MAPK6: variants seen among roughly 807,000 people sequenced by gnomAD.
MAPK6 encodes ERK-3.
MAPK6 carries 19 observed loss-of-function variants against 59.3 expected under a neutral mutation model. The ratio of observed to expected loss-of-function variants is 0.32; its 90% CI spans 0.22 to 0.47. The LOEUF (loss-of-function observed/expected upper bound fraction) is 0.47. Ranked by LOEUF, MAPK6 falls within the 20% of genes least tolerant of loss-of-function variation. MAPK6 has a pLI of 1.00. For synonymous variants in MAPK6, 316 were observed against 290.3 expected (o/e 1.09, Z -0.90); for missense variants, 724 against 847.9 (o/e 0.85, Z 1.81).
intron 2 of MAPK6, among the ~76,000 whole-genome samples, chr15:52,047,231 T>C (rs1339425547): frequency 6.6e-6 from 1 of 152,188 alleles, no homozygotes; most frequent in Admixed American, 6.5e-5. Context: ...TATAATGAAA[T>C]TTTAAAGTGT....
In MAPK6 at chr15:51,991,144, T is replaced by C. The variant is rs373500048; in HGVS notation, c.-770+7829T>C. 5.8e-5 allele frequency among the ~76,000 whole-genome samples: 6 copies of C among 104,276 alleles called. No individual in the cohort carries two copies. In the East Asian group the frequency reaches 1.5e-3, roughly 26 times the overall value. The allele number at this position is 104,276 out of a possible 152,430, so 68.4% of individuals were successfully genotyped here. ...ATTCCATCTCAAAAAGAAATATATA[T>C]ATATACACACACACACACACACACA... On this transcript the variant is annotated intron_variant, in intron 2 of 7. Transcript: ENST00000691380.
upstream of MAPK6, among the ~76,000 whole-genome samples, chr15:52,015,740 G>C (rs1265455167): frequency 6.7e-6 from 1 of 149,198 alleles, no homozygotes; most frequent in Non-Finnish European, 1.5e-5. Flanking sequence ...GCGTGAGTCC[G>C]CGCCCAGCCC....
chr15:52,054,667 CT>C (rs201385524), intron 3 of MAPK6, among the ~76,000 whole-genome samples: 6 of 149,534 alleles, frequency 4.0e-5, no homozygotes, highest in Non-Finnish European at 8.9e-5. Context: ...ATTTTTGGAC[CT>C]TTTTTTTTCA....
chr15:52,061,948 A>G (rs1437058949), intron 5 of MAPK6, among the ~76,000 whole-genome samples: 1 of 152,150 alleles, frequency 6.6e-6, no homozygotes, highest in Non-Finnish European at 1.5e-5. Flanking sequence ...GATTTTATGA[A>G]TGTCAAAAAT....
chr15:52,047,419 C>A (rs1402863876), intron 2 of MAPK6, among the ~76,000 whole-genome samples: 1 of 152,108 alleles, frequency 6.6e-6, no homozygotes. Flanking sequence ...CATCTCGGCT[C>A]ACTGCAACCT....
At chr15:52,063,732 CAG>C (rs2032298928) in intron 5 of MAPK6, among the ~76,000 whole-genome samples, 168 bp from the exon 6 acceptor site, 1 of 152,184 alleles carries the variant, frequency 6.6e-6, no homozygotes, top group South Asian at 2.1e-4. Context: ...AATATATTAA[CAG>C]AGCTTTCCTA....
At chr15:52,003,814 G>C (rs2057249770) in intron 2 of MAPK6, among the ~76,000 whole-genome samples, 1 of 152,348 alleles carries the variant, frequency 6.6e-6, no homozygotes, top group Non-Finnish European at 1.5e-5. Flanking sequence ...TCATTTGAAT[G>C]AGTAAAATAG....
intron 2 of MAPK6, among the ~76,000 whole-genome samples, chr15:51,983,881 G>T (rs1329020550): frequency 6.6e-6 from 1 of 151,756 alleles, no homozygotes; most frequent in Non-Finnish European, 1.5e-5. Context: ...ACTGTAAATG[G>T]CTATACTCTT....
chr15:52,027,246 A>G (rs2030827786), intron 1 of MAPK6, among the ~76,000 whole-genome samples: 1 of 149,602 alleles, frequency 6.7e-6, no homozygotes, highest in Non-Finnish European at 1.5e-5. Flanking sequence ...GCTACTCGGG[A>G]GGCTGAGACA....
At chr15:52,033,099 G>T (rs1199912008) in intron 1 of MAPK6, among the ~76,000 whole-genome samples, 1 of 152,174 alleles carries the variant, frequency 6.6e-6, no homozygotes, top group South Asian at 2.1e-4. Flanking sequence ...CATAAGCCAC[G>T]GCACCTGGCA....
In MAPK6 at chr15:52,031,837, T is replaced by C. The variant is rs139386911; in HGVS notation, c.-632+12461T>C. Among the ~76,000 whole-genome samples the C allele has an allele frequency of 3.7e-3, 569 of 152,186 alleles. 4 individuals carry two copies. Among genetic ancestry groups the C allele is most frequent in the Non-Finnish European group, 6.5e-3 (442 of 68,002 alleles). Reference sequence around the variant, plus strand: ...AAGCGAGATCCTGTCTCAAGATAAATAAAATAAAAATTTCACCATTTTATT... The same window carrying C: ...AAGCGAGATCCTGTCTCAAGATAAACAAAATAAAAATTTCACCATTTTATT... On this transcript the variant is annotated intron_variant, in intron 1 of 5. Coordinates refer to ENST00000261845, the MANE Select transcript of MAPK6 (RefSeq NM_002748.4).
chr15:51,977,043 G>A (rs59808035), intron 1 of MAPK6, among the ~76,000 whole-genome samples: 85 of 151,238 alleles, frequency 5.6e-4, no homozygotes, highest in African/African-American at 2.0e-3. Context: ...TCTCTCTGTT[G>A]CCCAGGCTGG....
At chr15:52,033,773 G>C (rs1250339938) in intron 1 of MAPK6, 1 of 151,752 alleles carries the variant, frequency 6.6e-6, no homozygotes, top group African/African-American at 2.4e-5. Context: ...AATACATCTG[G>C]GTTAATAGGC....
chr15:52,066,359 T>C lies in MAPK6; in HGVS notation c.*1359T>C. The C allele has an allele frequency of 6.6e-6, 1 of 152,216 alleles. No individual in the cohort carries two copies. Among genetic ancestry groups the C allele is most frequent in the East Asian group, 1.9e-4 (1 of 5,204 alleles). The allele number at this position is 152,216 out of a possible 1,614,324, so 9.4% of individuals were successfully genotyped here. A position where few individuals can be genotyped will look rare whatever the true frequency, so the allele number is the denominator to read the frequency against. On this transcript the variant is annotated 3_prime_UTR_variant, in exon 6 of 6. Transcript: ENST00000261845. ...GAATTATGGCCATAAATTGCTAGTC[T>C]GAAAGGCTGAGAAGGTTCAAGTCTT...
chr15:52,033,894 G>T (rs967125210), intron 1 of MAPK6: 1 of 150,904 alleles, frequency 6.6e-6, no homozygotes, highest in Admixed American at 6.6e-5. Context: ...TGTTTCTAGT[G>T]ATAAATCAGC....
At position 52,064,295 on chromosome 15, in the gene MAPK6, T is replaced by G. The variant is rs569915964; in HGVS notation, c.1461T>G (p.Ser487=). 28 of 1,609,892 alleles carry G rather than the reference T, an allele frequency of 1.7e-5. No homozygotes were observed. Among genetic ancestry groups the G allele is most frequent in the Non-Finnish European group, 2.3e-5 (27 of 1,178,972 alleles). ...GGAAAGAACAAAGCAAAGAAAAATC[T>G]GATAAGAAAGGCAAATCAAAATGTG... is the stretch of plus-strand genomic sequence containing the variant. ...SNWKEQSKEK[S]DKKGKSKCER... The change falls in exon 6 of 6, where the codon TCT becomes TCG. Residue 487 remains serine, a synonymous_variant. Coordinates refer to ENST00000261845, the MANE Select transcript of MAPK6 (RefSeq NM_002748.4).
Position 52,058,715 on chromosome 15 carries a change from C to T in MAPK6, c.783C>T (p.Ser261=), listed in dbSNP as rs199765167. The change falls in exon 4 of 6, where the codon AGC becomes AGT. Residue 261 remains serine (S), a synonymous_variant. Transcript: ENST00000261845. ...VHEEDRQELL[S]VIPVYIRNDM... Reference sequence around the variant, plus strand: ...AGGAAGATCGTCAGGAGCTTCTCAGCGTAATTCCAGTTTACATTAGAAATG... The same window carrying T: ...AGGAAGATCGTCAGGAGCTTCTCAGTGTAATTCCAGTTTACATTAGAAATG... The T allele has an allele frequency of 9.8e-5, 158 of 1,612,986 alleles. No individual in the cohort carries two copies. The highest frequency in any genetic ancestry group is 8.9e-4 in the East Asian group (40 of 44,864).
chr15:52,036,730 A>C (rs566612271), intron 1 of MAPK6, among the ~76,000 whole-genome samples: 79 of 152,146 alleles, frequency 5.2e-4, no homozygotes, highest in African/African-American at 1.8e-3. Flanking sequence ...TAGCAAACCA[A>C]CTTAAAATTT....
intron 3 of MAPK6, among the ~76,000 whole-genome samples, chr15:52,051,829 G>A (rs1018006457): frequency 1.3e-4 from 20 of 150,474 alleles, no homozygotes; most frequent in Admixed American, 3.3e-4. Flanking sequence ...AGCTGGGATC[G>A]CGCCATTGCA....
Sources: allele counts gnomAD v4.1 joint callset (sites outside exome capture counted in the v4.1 genomes callset), GRCh38; gene constraint gnomAD v4.1.1; transcripts MANE v1.5; gene names NCBI Gene and HGNC (gene_info 2026-07-23, HGNC 2026-07-21).